Variants in CDCA7L observed in about 807,000 individuals in gnomAD.
CDCA7L encodes cell division cycle associated 7 like.
A neutral mutation model predicts 57.4 loss-of-function variants in CDCA7L; 44 were observed. That is an observed-to-expected ratio of 0.77 (90% CI 0.60 to 0.98). The LOEUF (loss-of-function observed/expected upper bound fraction) is 0.98, where lower values mean the gene tolerates loss of function less well. Among genes scored for constraint, CDCA7L ranks in the 50% least tolerant of loss-of-function variants. CDCA7L has a pLI of 0.00. For missense variants in CDCA7L, 644 were observed against 580.6 expected (o/e 1.11, Z -1.12); for synonymous variants, 236 against 202.8 (o/e 1.16, Z -1.39).
rs1583835069 is a variant in CDCA7L at position 21,902,494 on chromosome 7, T to A, written c.1335-142A>T. On this transcript the variant is annotated intron_variant, in intron 9 of 9. Coordinates refer to ENST00000406877, the MANE Select transcript of CDCA7L (RefSeq NM_018719.5). Reference sequence around the variant, plus strand: ...ACTCGAAATCCTGACAATTTATGCATCAATATCCGTATACCCTCTGGTGTA... The same window carrying A: ...ACTCGAAATCCTGACAATTTATGCAACAATATCCGTATACCCTCTGGTGTA... The A allele has an allele frequency of 1.4e-5, 11 of 784,144 alleles. No homozygotes were observed. In the Admixed American group the frequency reaches 2.0e-4, roughly 14 times the overall value. The allele number at this position is 784,144 out of a possible 1,614,324, so 48.6% of individuals were successfully genotyped here. A position where few individuals can be genotyped will look rare whatever the true frequency, so the allele number is the denominator to read the frequency against.
At chr7:21,907,901 G>C (rs535271964) in intron 4 of CDCA7L, among the ~76,000 whole-genome samples, 1 of 152,164 alleles carries the variant, frequency 6.6e-6, no homozygotes, top group Admixed American at 6.5e-5. Flanking sequence ...ACCATGTAGG[G>C]GCTAAAAATG....
intron 4 of CDCA7L, 23 bp from the exon 5 acceptor site, chr7:21,906,662 G>C (rs2128057891): frequency 6.2e-7 from 1 of 1,612,298 alleles, no homozygotes. Flanking sequence ...ACAAAAGAAA[G>C]AATCTTACAA....
Position 21,902,209 on chromosome 7 carries a change from A to G in CDCA7L, c.*113T>C. ...TTAACAAAAAATAGTAATTTCTACAAAGAATTTCTGTATAAAAACACAACT... is the reference window on the plus strand; with the variant it reads ...TTAACAAAAAATAGTAATTTCTACAGAGAATTTCTGTATAAAAACACAACT... On this transcript the variant is annotated 3_prime_UTR_variant, in exon 10 of 10. Coordinates refer to ENST00000406877, the MANE Select transcript of CDCA7L (RefSeq NM_018719.5). The G allele has an allele frequency of 9.7e-7, 1 of 1,033,794 alleles. No individual in the cohort carries two copies. The highest frequency in any genetic ancestry group is 1.5e-6 in the Non-Finnish European group (1 of 666,452). The allele number at this position is 1,033,794 out of a possible 1,614,324, so 64.0% of individuals were successfully genotyped here. A position where few individuals can be genotyped will look rare whatever the true frequency, so the allele number is the denominator to read the frequency against.
intron 1 of CDCA7L, among the ~76,000 whole-genome samples, chr7:21,921,731 A>G (rs1295088676): frequency 6.6e-6 from 1 of 152,138 alleles, no homozygotes; most frequent in Non-Finnish European, 1.5e-5. Context: ...TATTTACATT[A>G]GTTGAACTTC....
chr7:21,915,584 G>A (rs1225249013), intron 2 of CDCA7L, among the ~76,000 whole-genome samples: 1 of 149,964 alleles, frequency 6.7e-6, no homozygotes, highest in Non-Finnish European at 1.5e-5. Flanking sequence ...GATCACCTGA[G>A]GTCGGGAGTT....
intron 2 of CDCA7L, among the ~76,000 whole-genome samples, chr7:21,915,481 C>G (rs905499007): frequency 1.3e-5 from 2 of 151,824 alleles, no homozygotes; most frequent in Non-Finnish European, 2.9e-5. Flanking sequence ...TTTAGGGACA[C>G]GAACAGGGAA....
intron 1 of CDCA7L, among the ~76,000 whole-genome samples, chr7:21,942,103 AACTG>A (rs766451683): frequency 6.6e-6 from 1 of 152,192 alleles, no homozygotes; most frequent in Non-Finnish European, 1.5e-5. Flanking sequence ...ACCGGTGCTC[AACTG>A]ACTATCTGAT....
intron 1 of CDCA7L, among the ~76,000 whole-genome samples, chr7:21,929,750 T>A (rs1785948536): frequency 6.8e-6 from 1 of 148,012 alleles, no homozygotes; most frequent in Non-Finnish European, 1.5e-5. Flanking sequence ...GCTAAAGGGA[T>A]CAATCCAACA....
At chr7:21,907,963 T>C (rs1468558882) in intron 4 of CDCA7L, among the ~76,000 whole-genome samples, 167 bp downstream of exon 4, 2 of 152,216 alleles carry the variant, frequency 1.3e-5, no homozygotes, top group African/African-American at 4.8e-5. Flanking sequence ...ATGTAATAGT[T>C]GCTCTGGGTT....
chr7:21,941,024 C>A (rs536625645), intron 1 of CDCA7L, among the ~76,000 whole-genome samples: 2 of 152,166 alleles, frequency 1.3e-5, no homozygotes, highest in South Asian at 4.2e-4. Context: ...GCTAATATAG[C>A]GCAACAAAAG....
chr7:21,902,912 A>C, intron 9 of CDCA7L, 66 bp downstream of exon 9: 1 of 1,519,934 alleles, frequency 6.6e-7, no homozygotes, highest in Non-Finnish European at 9.0e-7. Context: ...CTACTTGCCC[A>C]GAGGGTCTCC....
At chr7:21,943,788 T>C (rs1265408024) in intron 1 of CDCA7L, among the ~76,000 whole-genome samples, 1 of 151,872 alleles carries the variant, frequency 6.6e-6, no homozygotes, top group African/African-American at 2.4e-5. Context: ...TGGTGCATAA[T>C]GGATCGGATA....
chr7:21,911,644 C>T lies in CDCA7L; in HGVS notation c.276G>A (p.Leu92=). The T allele has an allele frequency of 6.2e-7, 1 of 1,613,488 alleles. No homozygotes were observed. Among genetic ancestry groups the T allele is most frequent in the African/African-American group, 1.3e-5 (1 of 75,028 alleles). Residue 92 remains leucine, a synonymous_variant, in exon 3 of 10, where the codon CTG becomes CTA. Transcript: ENST00000406877. Reference sequence around the variant, plus strand: ...TTACTTCTGGGTTAGTCTTTCCATTCAGATCACTCTGCGTAAATCCTGCAA... The same window carrying T: ...TTACTTCTGGGTTAGTCTTTCCATTTAGATCACTCTGCGTAAATCCTGCAA... The part of the protein sequence containing the change: ...EDFAGFTQSD[L]NGKTNPEVMV...
Position 21,901,203 on chromosome 7 carries a change from G to C in CDCA7L, c.*1119C>G, listed in dbSNP as rs750047107. The C allele has an allele frequency of 9.9e-6, 16 of 1,613,710 alleles. No homozygotes were observed. In the South Asian group the frequency reaches 1.8e-4, roughly 18 times the overall value. ...GGACCTTCAGGCTGAAGAGCGAAGA[G>C]AAGACTGCAAAATGGGTTCTGGCTG... On this transcript the variant is annotated 3_prime_UTR_variant, in exon 10 of 10. Transcript: ENST00000406877.
intron 7 of CDCA7L, among the ~76,000 whole-genome samples, chr7:21,904,649 G>C (rs1161355073): frequency 1.3e-5 from 2 of 152,192 alleles, no homozygotes. Context: ...ATGATCTGAG[G>C]TGGAACAGTT....
At chr7:21,923,362 G>A (rs1013209536) in intron 1 of CDCA7L, among the ~76,000 whole-genome samples, 3 of 152,080 alleles carry the variant, frequency 2.0e-5, no homozygotes, top group South Asian at 2.1e-4. Flanking sequence ...TTGTGGTGGC[G>A]TGTGCCTGTA....
chr7:21,927,369 C>G (rs1352186759), intron 1 of CDCA7L, among the ~76,000 whole-genome samples: 1 of 151,950 alleles, frequency 6.6e-6, no homozygotes, highest in Non-Finnish European at 1.5e-5. Flanking sequence ...AATAGAATGA[C>G]CAAGTTGAAA....
At chr7:21,916,677 T>C in intron 2 of CDCA7L, 77 bp downstream of exon 2, 2 of 1,335,528 alleles carry the variant, frequency 1.5e-6, no homozygotes, top group South Asian at 1.2e-5. Flanking sequence ...TCTCACACCA[T>C]GTTCAAATAA....
rs368269718 is a variant in CDCA7L, at chr7:21,901,197, C to A, written c.*1125G>T. Reference sequence around the variant, plus strand: ...ACATCTGGACCTTCAGGCTGAAGAGCGAAGAGAAGACTGCAAAATGGGTTC... The same window carrying A: ...ACATCTGGACCTTCAGGCTGAAGAGAGAAGAGAAGACTGCAAAATGGGTTC... On this transcript the variant is annotated 3_prime_UTR_variant, in exon 10 of 10. Coordinates refer to ENST00000406877, the MANE Select transcript of CDCA7L (RefSeq NM_018719.5). 6.2e-7 allele frequency: 1 copy of A among 1,613,450 alleles called. No individual in the cohort carries two copies. The highest frequency in any genetic ancestry group is 8.5e-7 in the Non-Finnish European group (1 of 1,179,728).
Sources: allele counts gnomAD v4.1 joint callset (sites outside exome capture counted in the v4.1 genomes callset), GRCh38; gene constraint gnomAD v4.1.1; transcripts MANE v1.5; gene names NCBI Gene and HGNC (gene_info 2026-07-23, HGNC 2026-07-21).